KIRREL3: variants seen among roughly 807,000 people sequenced by gnomAD.
The protein encoded by KIRREL3 is kirre like nephrin family adhesion molecule 3.
A neutral mutation model predicts 89.7 loss-of-function variants in KIRREL3; 36 were observed. The ratio of observed to expected loss-of-function variants is 0.40; its 90% CI spans 0.31 to 0.53. KIRREL3 has a LOEUF of 0.53. Ranked by LOEUF, KIRREL3 falls within the 20% of genes least tolerant of loss-of-function variation. The probability of loss-of-function intolerance (pLI) is 0.49; values close to 1 mark genes in which losing one functional copy is unlikely to be tolerated. For synonymous variants in KIRREL3, 445 were observed against 441.4 expected, an observed-to-expected ratio of 1.01 and a Z score of -0.10; for missense variants, 864 against 1,056.6, an observed-to-expected ratio of 0.82 and a Z score of 2.53.
Position 126,704,470 on chromosome 11 carries a change from A to G in KIRREL3, c.56-141558T>C, listed in dbSNP as rs1030094975. On this transcript the variant is annotated intron_variant, in intron 1 of 16. Coordinates refer to ENST00000525144, the MANE Select transcript of KIRREL3 (RefSeq NM_032531.4). The surrounding 1 kb of genome is among the most constrained non-coding windows in gnomAD (Gnocchi z 4.2). ...GTAGGGGCTCACAGTCTTGTCACTT[A>G]GAAGGTCTGTCTGAGAGACCTTGGT... 6.6e-6 allele frequency among the ~76,000 whole-genome samples: 1 copy of G among 152,204 alleles called. No homozygotes were observed.
rs1275110522 is a variant in KIRREL3, at chr11:126,557,753, G to C, written c.133+5082C>G. 6.6e-6 allele frequency among the ~76,000 whole-genome samples: 1 copy of C among 152,218 alleles called. No individual in the cohort carries two copies. Among genetic ancestry groups the C allele is most frequent in the East Asian group, 1.9e-4 (1 of 5,192 alleles). On this transcript the variant is annotated intron_variant, in intron 2 of 16. Coordinates refer to ENST00000525144, the MANE Select transcript of KIRREL3 (RefSeq NM_032531.4). This position sits in a 1 kb window ranked among gnomAD's most constrained non-coding sequence, Gnocchi z 5.6. ...AACCTCCCAGGGCTCTGACTCCCCT[G>C]TAAGGCTGGGAAGTGAGGACAGGTG...
chr11:126,748,119 C>A lies in KIRREL3; in HGVS notation c.56-185207G>T, dbSNP rs1032831541. On this transcript the variant is annotated intron_variant, in intron 1 of 16. Coordinates refer to ENST00000525144, the MANE Select transcript of KIRREL3 (RefSeq NM_032531.4). This position sits in a 1 kb window ranked among gnomAD's most constrained non-coding sequence, Gnocchi z 4.6. ...GTGAAAATGGCCAGTCACTGAAAAG[C>A]TGAATTGTTTTTATGTTATTCCCGT... 2.6e-5 allele frequency among the ~76,000 whole-genome samples: 4 copies of A among 152,158 alleles called. No homozygotes were observed. Among genetic ancestry groups the A allele is most frequent in the African/African-American group, 9.7e-5 (4 of 41,424 alleles).
At position 126,653,011 on chromosome 11, in the gene KIRREL3, C is replaced by T. The variant is rs1278281284; in HGVS notation, c.56-90099G>A. On this transcript the variant is annotated intron_variant, in intron 1 of 16. Transcript: ENST00000525144. This position sits in a 1 kb window ranked among gnomAD's most constrained non-coding sequence, Gnocchi z 5.4. Reference sequence around the variant, plus strand: ...GCAGCCAGTATTTGTTAAATGTCTCCTACACTCTTAATTGGGTTTTGTCGG... The same window carrying T: ...GCAGCCAGTATTTGTTAAATGTCTCTTACACTCTTAATTGGGTTTTGTCGG... 6.6e-6 allele frequency: 1 copy of T among 151,772 alleles called. No homozygotes were observed. The highest frequency in any genetic ancestry group is 1.5e-5 in the Non-Finnish European group (1 of 68,006). 9.4% of individuals were successfully genotyped at this position (151,772 alleles called of 1,614,324 possible). A position where few individuals can be genotyped will look rare whatever the true frequency, so the allele number is the denominator to read the frequency against.
Position 126,454,385 on chromosome 11 carries a change from TGAG to T in KIRREL3, c.848+1961_848+1963del, listed in dbSNP as rs1290740910. The stretch of plus-strand genomic sequence containing the variant: ...ACCCCAGGTGACCAGAGCCTGGCAG[TGAG>T]GAGAAACGAAAGTCGAAAGTTGTGT... On this transcript the variant is annotated intron_variant, in intron 7 of 16. Coordinates refer to ENST00000525144, the MANE Select transcript of KIRREL3 (RefSeq NM_032531.4). This position sits in a 1 kb window ranked among gnomAD's most constrained non-coding sequence, Gnocchi z 5.8. Among the ~76,000 whole-genome samples the T allele has an allele frequency of 6.6e-6, 1 of 151,824 alleles. No homozygotes were observed. The highest frequency in any genetic ancestry group is 2.4e-5 in the African/African-American group (1 of 41,296).
At chr11:126,548,555 T>G (rs1939001569) in intron 2 of KIRREL3, among the ~76,000 whole-genome samples, 1 of 152,230 alleles carries the variant, frequency 6.6e-6, no homozygotes, top group South Asian at 2.1e-4. Flanking sequence ...CTGCCCATAG[T>G]GGTAGCAGGT....
rs1945139781 is a variant in KIRREL3 at position 126,872,491 on chromosome 11, T to A, written c.55+127964A>T. Reference sequence around the variant, plus strand: ...AGTTGCAAACTGATTTCTTTCACCATCATCTCCCCATTGGATTATTTCCTG... The same window carrying A: ...AGTTGCAAACTGATTTCTTTCACCAACATCTCCCCATTGGATTATTTCCTG... On this transcript the variant is annotated intron_variant, in intron 1 of 16. Transcript: ENST00000525144. This position sits in a 1 kb window ranked among gnomAD's most constrained non-coding sequence, Gnocchi z 4.2. Among the ~76,000 whole-genome samples the A allele has an allele frequency of 1.3e-5, 2 of 152,194 alleles. No homozygotes were observed. The highest frequency in any genetic ancestry group is 2.9e-5 in the Non-Finnish European group (2 of 68,034).
At position 126,526,149 on chromosome 11, in the gene KIRREL3, G is replaced by A. The variant is rs570230840; in HGVS notation, c.283+389C>T. 6.6e-6 allele frequency among the ~76,000 whole-genome samples: 1 copy of A among 152,322 alleles called. No homozygotes were observed. Among genetic ancestry groups the A allele is most frequent in the African/African-American group, 2.4e-5 (1 of 41,564 alleles). On this transcript the variant is annotated intron_variant, in intron 3 of 16. Coordinates refer to ENST00000525144, the MANE Select transcript of KIRREL3 (RefSeq NM_032531.4). The surrounding 1 kb of genome is among the most constrained non-coding windows in gnomAD (Gnocchi z 5.7). ...GTGAGAAGCCTGGAAGAACCAGGTT[G>A]TGACTTGTATTTCCTTAATAATTGT...
intron 2 of KIRREL3, among the ~76,000 whole-genome samples, chr11:126,532,307 G>T (rs565889754): frequency 6.6e-6 from 1 of 152,240 alleles, no homozygotes; most frequent in South Asian, 2.1e-4. Context: ...CCCAGATTTT[G>T]ATTCTTAAGC....
At chr11:126,833,094 T>C (rs1490969654) in intron 1 of KIRREL3, among the ~76,000 whole-genome samples, 3 of 152,194 alleles carry the variant, frequency 2.0e-5, no homozygotes, top group Admixed American at 6.6e-5. Flanking sequence ...ATTCAGGTTC[T>C]CTTATCTGGT....
Position 126,643,668 on chromosome 11 carries a change from C to T in KIRREL3, c.56-80756G>A, listed in dbSNP as rs370513645. On this transcript the variant is annotated intron_variant, in intron 1 of 16. Coordinates refer to ENST00000525144, the MANE Select transcript of KIRREL3 (RefSeq NM_032531.4). This position sits in a 1 kb window ranked among gnomAD's most constrained non-coding sequence, Gnocchi z 4.5. ...GTTTAGGAAGATCAATGTGGCAACACAATGAGTAGGATTGTACTGAAGATG... is the reference window on the plus strand; with the variant it reads ...GTTTAGGAAGATCAATGTGGCAACATAATGAGTAGGATTGTACTGAAGATG... Among the ~76,000 whole-genome samples the T allele has an allele frequency of 2.2e-4, 33 of 152,252 alleles. No individual in the cohort carries two copies. The highest frequency in any genetic ancestry group is 4.6e-4 in the Admixed American group (7 of 15,296).
intron 1 of KIRREL3, among the ~76,000 whole-genome samples, chr11:126,691,171 CAGA>C (rs1219054124): frequency 6.6e-6 from 1 of 151,266 alleles, no homozygotes; most frequent in Non-Finnish European, 1.5e-5. Flanking sequence ...TGTGGATCTG[CAGA>C]AGGTTTTGTG....
Position 126,987,352 on chromosome 11 carries a change from C to G in KIRREL3, c.55+13103G>C, listed in dbSNP as rs1949895807. On this transcript the variant is annotated intron_variant, in intron 1 of 16. Coordinates refer to ENST00000525144, the MANE Select transcript of KIRREL3 (RefSeq NM_032531.4). This position sits in a 1 kb window ranked among gnomAD's most constrained non-coding sequence, Gnocchi z 4.6. ...AAAAATACAACCGTCTATGTATTTTCAAACTTTCCTTGGCATGAATACAAT... is the reference window on the plus strand; with the variant it reads ...AAAAATACAACCGTCTATGTATTTTGAAACTTTCCTTGGCATGAATACAAT... Among the ~76,000 whole-genome samples the G allele has an allele frequency of 6.6e-6, 1 of 152,202 alleles. No homozygotes were observed. The highest frequency in any genetic ancestry group is 2.1e-4 in the South Asian group (1 of 4,828).
chr11:126,533,692 G>T (rs1464421281), intron 2 of KIRREL3, among the ~76,000 whole-genome samples: 1 of 152,206 alleles, frequency 6.6e-6, no homozygotes, highest in South Asian at 2.1e-4. Flanking sequence ...GGCAGATAGT[G>T]CAGTGGTAAT....
At chr11:126,658,598 A>C (rs1183804726) in intron 1 of KIRREL3, among the ~76,000 whole-genome samples, 1 of 152,252 alleles carries the variant, frequency 6.6e-6, no homozygotes, top group African/African-American at 2.4e-5. Flanking sequence ...ATACTTTGCC[A>C]GCCCTACATT....
intron 1 of KIRREL3, among the ~76,000 whole-genome samples, chr11:126,582,192 T>C (rs745946982): frequency 3.3e-5 from 5 of 152,152 alleles, no homozygotes; most frequent in Non-Finnish European, 5.9e-5. Flanking sequence ...TCTTCTCATC[T>C]CTCAAGCGAG....
rs1940668632 is a variant in KIRREL3 at position 126,568,321 on chromosome 11, G to T, written c.56-5409C>A. Among the ~76,000 whole-genome samples, 1 of 150,214 alleles carries T rather than the reference G, an allele frequency of 6.7e-6. No individual in the cohort carries two copies. The highest frequency in any genetic ancestry group is 1.5e-5 in the Non-Finnish European group (1 of 67,030). On this transcript the variant is annotated intron_variant, in intron 1 of 16. Transcript: ENST00000525144. This position sits in a 1 kb window ranked among gnomAD's most constrained non-coding sequence, Gnocchi z 4.6. The stretch of plus-strand genomic sequence containing the variant: ...TGGGAGATGAGCTCAGAGAAGGGAG[G>T]CTGGCTGGGAGACCGCTGCCATACT...
At chr11:126,863,644 TG>T (rs1370438582) in intron 1 of KIRREL3, among the ~76,000 whole-genome samples, 3 of 150,408 alleles carry the variant, frequency 2.0e-5, no homozygotes, top group Admixed American at 6.6e-5. Context: ...CGTGTGTGTG[TG>T]TTTGAGTGCG....
intron 1 of KIRREL3, among the ~76,000 whole-genome samples, chr11:126,597,929 C>G (rs1206745360): frequency 6.6e-6 from 1 of 152,176 alleles, no homozygotes; most frequent in African/African-American, 2.4e-5. Context: ...CTTAAGTCAC[C>G]CATAGCATCC....
At chr11:126,446,310 CTCTTCCTT>C (rs1565457903) in intron 9 of KIRREL3, among the ~76,000 whole-genome samples, 1 of 149,410 alleles carries the variant, frequency 6.7e-6, no homozygotes, top group Non-Finnish European at 1.5e-5. Context: ...TTCTCTCTCT[CTCTTCCTT>C]TCTTCCTTTC....
Sources: allele counts gnomAD v4.1 joint callset (sites outside exome capture counted in the v4.1 genomes callset), GRCh38; gene constraint gnomAD v4.1.1; non-coding constraint Gnocchi (gnomAD v3.1); transcripts MANE v1.5; gene names NCBI Gene and HGNC (gene_info 2026-07-23, HGNC 2026-07-21).